OXCT1: variants seen among roughly 807,000 people sequenced by gnomAD.
The protein encoded by OXCT1 is succinyl-CoA:3-ketoacid coenzyme A transferase 1, mitochondrial.
OXCT1 carries 27 observed loss-of-function variants against 69.6 expected under a neutral mutation model. The observed-to-expected ratio is 0.39, with a 90% CI of 0.29 to 0.54. The LOEUF (loss-of-function observed/expected upper bound fraction) is 0.54, where lower values mean the gene tolerates loss of function less well. OXCT1 is among the 20% of genes least tolerant of loss of function. The pLI is 0.72. For missense variants in OXCT1, 437 were observed against 650.2 expected (o/e 0.67, Z 3.57); for synonymous variants, 202 against 217.8 (o/e 0.93, Z 0.64).
intron 5 of OXCT1, chr5:41,843,452 T>C: frequency 2.3e-6 from 1 of 430,684 alleles, no homozygotes; most frequent in South Asian, 1.6e-5. Context: ...ATGTTACATT[T>C]GCTCCTATCT....
At chr5:41,852,549 G>C (rs1200620772) in intron 4 of OXCT1, among the ~76,000 whole-genome samples, 2 of 152,154 alleles carry the variant, frequency 1.3e-5, no homozygotes, top group African/African-American at 2.4e-5. Flanking sequence ...ATTTCAGAAA[G>C]TTTTCCTTTC....
chr5:41,869,073 G>A (rs1750147972), intron 1 of OXCT1, among the ~76,000 whole-genome samples: 1 of 152,168 alleles, frequency 6.6e-6, no homozygotes, highest in South Asian at 2.1e-4. Context: ...CTCACTGAAG[G>A]TCAAGTTCCC....
chr5:41,797,754 G>A (rs1746246765), intron 11 of OXCT1, among the ~76,000 whole-genome samples: 1 of 152,158 alleles, frequency 6.6e-6, no homozygotes, highest in Non-Finnish European at 1.5e-5. Flanking sequence ...ACATTCATCA[G>A]AATCACATGG....
At chr5:41,843,990 A>G (rs1228665422) in intron 5 of OXCT1, among the ~76,000 whole-genome samples, 1 of 152,228 alleles carries the variant, frequency 6.6e-6, no homozygotes, top group Non-Finnish European at 1.5e-5. Context: ...TTCAAAAATC[A>G]CTGTAAATAC....
At chr5:41,816,222 T>A (rs34734165) in intron 7 of OXCT1, among the ~76,000 whole-genome samples, 2 of 152,210 alleles carry the variant, frequency 1.3e-5, no homozygotes, top group Admixed American at 6.5e-5. Context: ...AGTAGAATCC[T>A]ACATATTTCA....
chr5:41,743,099 T>G (rs1048196519), intron 15 of OXCT1, among the ~76,000 whole-genome samples: 2 of 152,194 alleles, frequency 1.3e-5, no homozygotes, highest in Non-Finnish European at 2.9e-5. Flanking sequence ...CCACCAACAG[T>G]GTAAAAGTGT....
Position 41,757,541 on chromosome 5 carries a change from T to C in OXCT1, c.1338+4570A>G, listed in dbSNP as rs144040851. 3.2e-3 allele frequency among the ~76,000 whole-genome samples: 486 copies of C among 152,252 alleles called. 2 individuals are homozygous for C. The highest frequency in any genetic ancestry group is 0.011 in the African/African-American group (472 of 41,566). Reference sequence around the variant, plus strand: ...CCTCAGAGCCTATGATAGTACTTTGTACATATCAAGTCCTCAGTAAATATT... The same window carrying C: ...CCTCAGAGCCTATGATAGTACTTTGCACATATCAAGTCCTCAGTAAATATT... On this transcript the variant is annotated intron_variant, in intron 14 of 16. Coordinates refer to ENST00000196371, the MANE Select transcript of OXCT1 (RefSeq NM_000436.4).
chr5:41,746,296 G>A (rs773293507), intron 15 of OXCT1, among the ~76,000 whole-genome samples: 18 of 151,836 alleles, frequency 1.2e-4, no homozygotes, highest in Admixed American at 9.2e-4. Context: ...ACCAAGGAAC[G>A]CATCTTTCAT....
At chr5:41,831,175 A>C (rs144998780) in intron 7 of OXCT1, among the ~76,000 whole-genome samples, 2,155 of 152,292 alleles carry the variant, frequency 0.014, 99 homozygotes, top group South Asian at 0.079. Flanking sequence ...CAAGAAAGTT[A>C]ATTCTCGTAA....
rs184373895 is a variant in OXCT1, at chr5:41,730,215, A to G, written c.*1514T>C. On this transcript the variant is annotated 3_prime_UTR_variant, in exon 17 of 17. Coordinates refer to ENST00000196371, the MANE Select transcript of OXCT1 (RefSeq NM_000436.4). ...TAAGTTTGAAGATGTAACTATCAAC[A>G]ATTCTTTTCAAAATCATATCAATAT... 2 of 152,344 alleles carry G rather than the reference A, an allele frequency of 1.3e-5. No homozygotes were observed. Among genetic ancestry groups the G allele is most frequent in the East Asian group, 3.9e-4 (2 of 5,184 alleles). 9.4% of individuals were successfully genotyped at this position (152,344 alleles called of 1,614,324 possible).
At chr5:41,858,362 A>C (rs1749549966) in intron 3 of OXCT1, among the ~76,000 whole-genome samples, 1 of 152,214 alleles carries the variant, frequency 6.6e-6, no homozygotes, top group Non-Finnish European at 1.5e-5. Flanking sequence ...AATAGATGTG[A>C]TCTTTTGCAA....
At chr5:41,786,604 TAAGAG>T (rs1173805189) in intron 13 of OXCT1, among the ~76,000 whole-genome samples, 2 of 152,326 alleles carry the variant, frequency 1.3e-5, no homozygotes, top group East Asian at 3.9e-4. Context: ...TAAAGTCACT[TAAGAG>T]CTGTTTATTT....
chr5:41,833,887 C>A (rs976368529), intron 7 of OXCT1, among the ~76,000 whole-genome samples: 2 of 151,782 alleles, frequency 1.3e-5, no homozygotes, highest in South Asian at 2.1e-4. Context: ...GTGATGAAAC[C>A]CTGTCTCTAC....
intron 7 of OXCT1, among the ~76,000 whole-genome samples, chr5:41,821,917 A>C (rs1358766039): frequency 2.0e-5 from 3 of 152,134 alleles, no homozygotes; most frequent in Non-Finnish European, 2.9e-5. Flanking sequence ...TCTTCCACAG[A>C]GTAGTAGTTT....
intron 7 of OXCT1, among the ~76,000 whole-genome samples, chr5:41,834,807 GA>G (rs1748276249): frequency 6.6e-6 from 1 of 151,794 alleles, no homozygotes; most frequent in Non-Finnish European, 1.5e-5. Flanking sequence ...CTGCACTACA[GA>G]ATGAACCTAA....
intron 15 of OXCT1, among the ~76,000 whole-genome samples, chr5:41,742,954 T>C (rs1409651175): frequency 6.6e-6 from 1 of 152,228 alleles, no homozygotes; most frequent in Non-Finnish European, 1.5e-5. Flanking sequence ...TGCATGTGTC[T>C]TTATAGCAGC....
chr5:41,780,913 T>C (rs1339357814), intron 13 of OXCT1, among the ~76,000 whole-genome samples: 1 of 152,086 alleles, frequency 6.6e-6, no homozygotes, highest in East Asian at 1.9e-4. Context: ...CACATTTTTT[T>C]TTTTTTTTGA....
chr5:41,802,494 G>A (rs191090658), intron 10 of OXCT1, among the ~76,000 whole-genome samples: 1 of 152,138 alleles, frequency 6.6e-6, no homozygotes, highest in Admixed American at 6.5e-5. Context: ...TTAACCTTTT[G>A]GACAGTAGAG....
chr5:41,839,159 C>T (rs920900164), intron 7 of OXCT1, among the ~76,000 whole-genome samples: 2 of 152,132 alleles, frequency 1.3e-5, no homozygotes, highest in Non-Finnish European at 2.9e-5. Context: ...CTAATACCTG[C>T]AATGATTCTT....
Sources: allele counts gnomAD v4.1 joint callset (sites outside exome capture counted in the v4.1 genomes callset), GRCh38; gene constraint gnomAD v4.1.1; transcripts MANE v1.5; gene names NCBI Gene and HGNC (gene_info 2026-07-23, HGNC 2026-07-21).